CHST11: variants seen among roughly 807,000 people sequenced by gnomAD.
CHST11 encodes the protein C4S-1.
A neutral mutation model predicts 30.4 loss-of-function variants in CHST11; 9 were observed. That is an observed-to-expected ratio of 0.30 (90% confidence interval 0.18 to 0.52). The LOEUF (loss-of-function observed/expected upper bound fraction) is 0.52, where lower values mean the gene tolerates loss of function less well. Among genes scored for constraint, CHST11 ranks in the 20% least tolerant of loss-of-function variants. CHST11 has a pLI of 0.97. For synonymous variants in CHST11, 152 were observed against 187.8 expected (o/e 0.81, Z 1.56); for missense variants, 348 against 460.6 (o/e 0.76, Z 2.24).
At chr12:104,622,488 A>C (rs144233576) in intron 2 of CHST11, among the ~76,000 whole-genome samples, 1 of 152,212 alleles carries the variant, frequency 6.6e-6, no homozygotes, top group East Asian at 1.9e-4. Context: ...AATTCTCTCA[A>C]GGTTGGCAGG....
intron 1 of CHST11, among the ~76,000 whole-genome samples, chr12:104,520,365 C>G (rs1701153664): frequency 2.0e-5 from 3 of 152,156 alleles, no homozygotes. Flanking sequence ...GGCAGTAGGA[C>G]TAATGGTTAG....
intron 2 of CHST11, among the ~76,000 whole-genome samples, chr12:104,666,331 A>G (rs2039642948): frequency 6.6e-6 from 1 of 152,232 alleles, no homozygotes; most frequent in African/African-American, 2.4e-5. Context: ...TGCAAGCGAG[A>G]ATGGAGAAAT....
chr12:104,723,883 T>C (rs1030596343), intron 2 of CHST11, among the ~76,000 whole-genome samples: 1 of 152,346 alleles, frequency 6.6e-6, no homozygotes, highest in African/African-American at 2.4e-5. Context: ...ACACAAGCTA[T>C]GTGGATGAGC....
At chr12:104,636,103 T>C (rs2039320837) in intron 2 of CHST11, among the ~76,000 whole-genome samples, 2 of 152,226 alleles carry the variant, frequency 1.3e-5, no homozygotes, top group Admixed American at 1.3e-4. Context: ...GATGTGGCTA[T>C]TGAGGCCTGG....
Position 104,556,695 on chromosome 12 carries a change from C to T in CHST11, c.119-45211C>T, listed in dbSNP as rs574938521. On this transcript the variant is annotated intron_variant, in intron 1 of 2. Transcript: ENST00000303694. ...GTCTCTGTATTCAGATTTCCCTCTT[C>T]TTGGGCTGGGTGCGGTGGCTCACGC... Among the ~76,000 whole-genome samples the T allele has an allele frequency of 2.6e-5, 4 of 152,212 alleles. No individual in the cohort carries two copies. In the South Asian group the frequency reaches 8.3e-4, roughly 32 times the overall value.
intron 1 of CHST11, among the ~76,000 whole-genome samples, chr12:104,517,288 G>A (rs565000621): frequency 2.4e-4 from 36 of 152,266 alleles, no homozygotes; most frequent in African/African-American, 7.2e-4. Context: ...TATTGCACCC[G>A]CGCTTGGATG....
chr12:104,560,534 C>T (rs1478334175), intron 1 of CHST11, among the ~76,000 whole-genome samples: 3 of 152,116 alleles, frequency 2.0e-5, no homozygotes, highest in Non-Finnish European at 4.4e-5. Context: ...TGGGAAGAGA[C>T]GGTCATACCT....
chr12:104,706,504 C>T (rs1327089742), intron 2 of CHST11, among the ~76,000 whole-genome samples: 6 of 151,608 alleles, frequency 4.0e-5, no homozygotes, highest in Admixed American at 2.0e-4. Flanking sequence ...GAGTGGTCAG[C>T]GAAGGCTCAC....
Position 104,758,267 on chromosome 12 carries a change from ATGTGTAT to A in CHST11, c.*465_*471del. 6.5e-6 allele frequency: 1 copy of A among 154,486 alleles called. No homozygotes were observed. Among genetic ancestry groups the A allele is most frequent in the South Asian group, 2.0e-4 (1 of 4,992 alleles). 9.6% of individuals were successfully genotyped at this position (154,486 alleles called of 1,614,324 possible). A position where few individuals can be genotyped will look rare whatever the true frequency, so the allele number is the denominator to read the frequency against. ...GAGTCATGTGATAACAGCCATTGTC[ATGTGTAT>A]GGATGCCACCATTCTTGAATTTCTG... On this transcript the variant is annotated 3_prime_UTR_variant, in exon 3 of 3. Transcript: ENST00000303694.
rs1592867570 is a variant in CHST11 at position 104,739,041 on chromosome 12, CTGAAG to C, written c.205-17907_205-17903del. On this transcript the variant is annotated intron_variant, in intron 2 of 2. Coordinates refer to ENST00000303694, the MANE Select transcript of CHST11 (RefSeq NM_018413.6). The stretch of plus-strand genomic sequence containing the variant: ...AGGGGTGAGGGGTGAGCTGACCAGT[CTGAAG>C]CTCATCCAGGGCAAAGCGGGACCTG... Among the ~76,000 whole-genome samples, 7 of 152,326 alleles carry C rather than the reference CTGAAG, an allele frequency of 4.6e-5. No individual in the cohort carries two copies. In the East Asian group the frequency reaches 1.3e-3, roughly 29 times the overall value.
At chr12:104,630,611 C>G (rs541088875) in intron 2 of CHST11, among the ~76,000 whole-genome samples, 1 of 152,276 alleles carries the variant, frequency 6.6e-6, no homozygotes, top group South Asian at 2.1e-4. Flanking sequence ...AAACTGACAG[C>G]TTCTACTCCA....
intron 1 of CHST11, among the ~76,000 whole-genome samples, chr12:104,470,408 C>T (rs1171189910): frequency 6.6e-6 from 1 of 152,144 alleles, no homozygotes; most frequent in Non-Finnish European, 1.5e-5. Flanking sequence ...CATCAGATCT[C>T]ATGAGACTCA....
intron 2 of CHST11, among the ~76,000 whole-genome samples, chr12:104,745,836 G>T (rs2040385443): frequency 6.6e-6 from 1 of 152,112 alleles, no homozygotes. Flanking sequence ...AGAAGCTTTT[G>T]GGCTCAGACA....
intron 1 of CHST11, among the ~76,000 whole-genome samples, chr12:104,581,445 A>G (rs1300794954): frequency 6.6e-6 from 1 of 152,200 alleles, no homozygotes; most frequent in African/African-American, 2.4e-5. Flanking sequence ...ATTTATCCCT[A>G]TTTATTTATT....
intron 2 of CHST11, among the ~76,000 whole-genome samples, chr12:104,687,769 G>A (rs1032659425): frequency 3.9e-5 from 6 of 151,944 alleles, no homozygotes; most frequent in South Asian, 2.1e-4. Flanking sequence ...TTCAAACAGC[G>A]GCCCCCGCCC....
chr12:104,456,972 T>A lies in CHST11; in HGVS notation c.-440T>A, dbSNP rs1187383575. 2 of 152,666 alleles carry A rather than the reference T, an allele frequency of 1.3e-5. No homozygotes were observed. Among genetic ancestry groups the A allele is most frequent in the East Asian group, 3.9e-4 (2 of 5,178 alleles). 9.5% of individuals were successfully genotyped at this position (152,666 alleles called of 1,614,324 possible). The stretch of plus-strand genomic sequence containing the variant: ...CATTTGGTAAAACCCAGCCCCGGAA[T>A]ATATAGATCGTTGGAGCGCAATGAA... On this transcript the variant is annotated 5_prime_UTR_variant, in exon 1 of 3. Coordinates refer to ENST00000303694, the MANE Select transcript of CHST11 (RefSeq NM_018413.6).
chr12:104,611,314 C>G (rs2039057430), intron 2 of CHST11, among the ~76,000 whole-genome samples: 1 of 152,198 alleles, frequency 6.6e-6, no homozygotes. Context: ...CAGCACATCT[C>G]CATTGGGACA....
chr12:104,505,490 T>C (rs2037896463), intron 1 of CHST11, among the ~76,000 whole-genome samples: 1 of 152,270 alleles, frequency 6.6e-6, no homozygotes, highest in South Asian at 2.1e-4. Context: ...TCTGAAAAGC[T>C]CCTGGGTTAT....
At chr12:104,471,988 T>C (rs1470234810) in intron 1 of CHST11, among the ~76,000 whole-genome samples, 2 of 152,100 alleles carry the variant, frequency 1.3e-5, no homozygotes, top group Non-Finnish European at 2.9e-5. Flanking sequence ...GGTGACAGAA[T>C]CTTGCTCTGT....
Sources: allele counts gnomAD v4.1 joint callset (sites outside exome capture counted in the v4.1 genomes callset), GRCh38; gene constraint gnomAD v4.1.1; transcripts MANE v1.5; gene names NCBI Gene and HGNC (gene_info 2026-07-23, HGNC 2026-07-21).